Variants in ITGA6 observed in about 807,000 individuals in gnomAD.
The protein encoded by ITGA6 is integrin subunit alpha 6.
A neutral mutation model predicts 133.6 loss-of-function variants in ITGA6; 63 were observed. The observed-to-expected ratio is 0.47, with a 90% CI of 0.38 to 0.58. ITGA6 has a LOEUF of 0.58. Among genes scored for constraint, ITGA6 ranks in the 20% least tolerant of loss-of-function variants. The probability of loss-of-function intolerance (pLI) is 0.00; values close to 1 mark genes in which losing one functional copy is unlikely to be tolerated. For missense variants in ITGA6, 1,068 were observed against 1,309.4 expected (o/e 0.82, Z 2.85); for synonymous variants, 434 against 482.0 (o/e 0.90, Z 1.30).
In ITGA6 at chr2:172,489,510, C is replaced by G; in HGVS notation, c.2531C>G (p.Thr844Arg). The change falls in exon 20 of 26, where the codon ACA becomes AGA. Residue 844 changes from threonine to arginine, a missense_variant. Thr to Arg is a moderately conservative substitution (Grantham distance 71). Around this residue, in one of 3 missense-constraint regions of ITGA6, gnomAD observed 609 missense variants for 707.2 expected, o/e 0.86. Transcript: ENST00000684293. ...FRVINLGKPL[T>R]NLGTATLNIQ... is the part of the protein sequence containing the mutation. ...GTAATAAACTTAGGTAAACCTCTTA[C>G]AAACCTCGGCACAGCAACCTTGAAC... 1.9e-6 allele frequency: 3 copies of G among 1,613,708 alleles called. No individual in the cohort carries two copies. Among genetic ancestry groups the G allele is most frequent in the Non-Finnish European group, 2.5e-6 (3 of 1,179,628 alleles).
chr2:172,461,054 T>C (rs1023231565), intron 1 of ITGA6, among the ~76,000 whole-genome samples: 2 of 152,236 alleles, frequency 1.3e-5, no homozygotes, highest in African/African-American at 4.8e-5. Context: ...CTTGAATATA[T>C]GAAACGGATG....
rs1281457403 is a variant in ITGA6 at position 172,505,387 on chromosome 2, T to A, written c.*1319T>A. ...ACTGATCCAGTATAAGACTACTGAA[T>A]CTGCTACCAAAACAGTTAATCAGTG... On this transcript the variant is annotated 3_prime_UTR_variant, in exon 26 of 26. Transcript: ENST00000684293. 1 of 152,206 alleles carries A rather than the reference T, an allele frequency of 6.6e-6. No individual in the cohort carries two copies. Among genetic ancestry groups the A allele is most frequent in the Non-Finnish European group, 1.5e-5 (1 of 68,030 alleles). The allele number at this position is 152,206 out of a possible 1,614,324, so 9.4% of individuals were successfully genotyped here. A position where few individuals can be genotyped will look rare whatever the true frequency, so the allele number is the denominator to read the frequency against.
At position 172,505,161 on chromosome 2, in the gene ITGA6, A is replaced by C. The variant is rs1425374659; in HGVS notation, c.*1093A>C. 6.6e-6 allele frequency: 1 copy of C among 152,640 alleles called. No homozygotes were observed. The highest frequency in any genetic ancestry group is 1.5e-5 in the Non-Finnish European group (1 of 68,040). The allele number at this position is 152,640 out of a possible 1,614,324, so 9.5% of individuals were successfully genotyped here. A position where few individuals can be genotyped will look rare whatever the true frequency, so the allele number is the denominator to read the frequency against. On this transcript the variant is annotated 3_prime_UTR_variant, in exon 26 of 26. Transcript: ENST00000684293. ...AAAAGGTTTAAGAAATAGAATTATA[A>C]CTGTAAAGATGTTTATTTCAGGCAT... is the stretch of plus-strand genomic sequence containing the variant.
chr2:172,450,973 TTG>T (rs768360677), intron 1 of ITGA6, among the ~76,000 whole-genome samples: 1 of 147,622 alleles, frequency 6.8e-6, no homozygotes, highest in Non-Finnish European at 1.5e-5. Flanking sequence ...TAAATATATT[TTG>T]TGTGTGTGTA....
Position 172,493,566 on chromosome 2 carries a change from C to A in ITGA6, c.2988+2043C>A, listed in dbSNP as rs115897233. Among the ~76,000 whole-genome samples the A allele has an allele frequency of 8.0e-4, 122 of 152,184 alleles. 1 individual carries two copies. The highest frequency in any genetic ancestry group is 2.7e-3 in the African/African-American group (112 of 41,514). ...GAATGCCAAGGGTAAACATTGTACT[C>A]ATTTTACAAACAAGGAAGCAGACTC... On this transcript the variant is annotated intron_variant, in intron 23 of 25. Transcript: ENST00000684293.
rs374272135 is a variant in ITGA6 at position 172,427,945 on chromosome 2, C to G, written c.157C>G (p.Gln53Glu). The change falls in exon 1 of 26, where the codon CAA (glutamine) becomes GAA (glutamate). Residue 53 changes from glutamine (Q) to glutamate (E), a missense_variant. By Grantham distance (29) the Gln-to-Glu change is conservative (BLOSUM62 2). Coordinates refer to ENST00000684293, the MANE Select transcript of ITGA6 (RefSeq NM_000210.4). Reference protein sequence around the residue: ...LFGFSLAMHWQLQPEDKRLLL... With the variant: ...LFGFSLAMHWELQPEDKRLLL... ...CGGCTTCTCGCTGGCCATGCACTGG[C>G]AACTGCAGCCCGAGGACAAGCGGCT... is the stretch of plus-strand genomic sequence containing the variant. 5.6e-6 allele frequency: 9 copies of G among 1,606,192 alleles called. No homozygotes were observed. In the African/African-American group the frequency reaches 8.1e-5, roughly 14 times the overall value.
intron 9 of ITGA6, among the ~76,000 whole-genome samples, chr2:172,478,439 C>T (rs1353277186): frequency 6.6e-6 from 1 of 152,110 alleles, no homozygotes; most frequent in East Asian, 1.9e-4. Flanking sequence ...GTAATGAAAC[C>T]CCAGGCCCCA....
In ITGA6 at chr2:172,487,045, G is replaced by A. The variant is rs1686711436; in HGVS notation, c.1877G>A (p.Cys626Tyr). 6.2e-7 allele frequency: 1 copy of A among 1,609,228 alleles called. No individual in the cohort carries two copies. Among genetic ancestry groups the A allele is most frequent in the Non-Finnish European group, 8.5e-7 (1 of 1,175,552 alleles). The change falls in exon 14 of 26, where the codon TGT becomes TAT. Residue 626 changes from cysteine (C) to tyrosine (Y), a missense_variant. By Grantham distance (194) the Cys-to-Tyr change is radical. Transcript: ENST00000684293. ...HIDVHFLKEG[C>Y]GDDNVCNSNL... ...CAGGTTCACTTCTTAAAAGAGGGAT[G>A]TGGAGACGACAATGTATGTAACAGC...
chr2:172,499,320 C>A (rs7570417), intron 24 of ITGA6, among the ~76,000 whole-genome samples: 1 of 151,810 alleles, frequency 6.6e-6, no homozygotes, highest in Non-Finnish European at 1.5e-5. Context: ...CTGGCACACA[C>A]AGCCAGTCAA....
intron 10 of ITGA6, 91 bp from the exon 11 acceptor site, chr2:172,479,899 C>A: frequency 9.6e-7 from 1 of 1,044,456 alleles, no homozygotes; most frequent in Non-Finnish European, 1.5e-6. Flanking sequence ...CATCAATGGG[C>A]ATTGGGGGGA....
intron 1 of ITGA6, among the ~76,000 whole-genome samples, chr2:172,453,149 C>G (rs996974621): frequency 6.6e-6 from 1 of 152,100 alleles, no homozygotes; most frequent in African/African-American, 2.4e-5. Flanking sequence ...CACTTTTACT[C>G]AGAGATTTGC....
chr2:172,469,645 C>A (rs1288503201), intron 4 of ITGA6, among the ~76,000 whole-genome samples: 5 of 151,944 alleles, frequency 3.3e-5, no homozygotes, highest in Admixed American at 1.3e-4. Context: ...TAATAATTAA[C>A]ATTAGTATTT....
intron 1 of ITGA6, 121 bp from the exon 2 acceptor site, chr2:172,465,418 T>G: frequency 3.4e-6 from 4 of 1,162,074 alleles, no homozygotes; most frequent in Non-Finnish European, 5.1e-6. Flanking sequence ...CTGCCTAAGC[T>G]GTTGAAGAAT....
rs1687555600 is a variant in ITGA6, at chr2:172,506,197, A to G, written c.*2129A>G. On this transcript the variant is annotated 3_prime_UTR_variant, in exon 26 of 26. Coordinates refer to ENST00000684293, the MANE Select transcript of ITGA6 (RefSeq NM_000210.4). ...AAATAAATTTTTTATAAAAGTGTTC[A>G]TTGTTTCGTAACACAGCATTGTATA... 6.6e-6 allele frequency: 1 copy of G among 152,622 alleles called. No individual in the cohort carries two copies. The highest frequency in any genetic ancestry group is 1.5e-5 in the Non-Finnish European group (1 of 68,000). 9.5% of individuals were successfully genotyped at this position (152,622 alleles called of 1,614,324 possible).
intron 1 of ITGA6, among the ~76,000 whole-genome samples, chr2:172,445,510 A>G (rs979902062): frequency 3.3e-5 from 5 of 151,330 alleles, no homozygotes; most frequent in South Asian, 4.2e-4. Context: ...TTAGCCGGGC[A>G]TGGTGGTGGG....
At chr2:172,468,677 GTGTT>G (rs1317176931) in intron 3 of ITGA6, among the ~76,000 whole-genome samples, 2 of 152,120 alleles carry the variant, frequency 1.3e-5, no homozygotes, top group Admixed American at 6.5e-5. Context: ...TGTTTTAGCT[GTGTT>G]TGTTTGATCC....
rs1687194358 is a variant in ITGA6, at chr2:172,497,909, C to G, written c.2989-66C>G. ...ATATATTCAAAAGCAGAATTAGAAC[C>G]ATAAACTCCTGGTGTGAACTCTTGC... On this transcript the variant is annotated intron_variant, in intron 23 of 25. Coordinates refer to ENST00000684293, the MANE Select transcript of ITGA6 (RefSeq NM_000210.4). 1.1e-5 allele frequency: 17 copies of G among 1,583,428 alleles called. No individual in the cohort carries two copies. In the South Asian group the frequency reaches 1.4e-4, roughly 13 times the overall value.
At position 172,491,637 on chromosome 2, in the gene ITGA6, C is replaced by T. The variant is rs1176174297; in HGVS notation, c.2988+114C>T. ...GCTCATTTCCCTCATAGCCCCATTA[C>T]GGAGAAAACTGTCTTAAGGTACTGG... is the stretch of plus-strand genomic sequence containing the variant. On this transcript the variant is annotated intron_variant, in intron 23 of 25. Coordinates refer to ENST00000684293, the MANE Select transcript of ITGA6 (RefSeq NM_000210.4). This position sits in a 1 kb window ranked among gnomAD's most constrained non-coding sequence, Gnocchi z 4.4. The T allele has an allele frequency of 2.0e-5, 15 of 740,132 alleles. 1 individual carries two copies. Among genetic ancestry groups the T allele is most frequent in the South Asian group, 2.9e-5 (2 of 68,106 alleles). 45.8% of individuals were successfully genotyped at this position (740,132 alleles called of 1,614,324 possible). A position where few individuals can be genotyped will look rare whatever the true frequency, so the allele number is the denominator to read the frequency against.
chr2:172,498,863 T>C (rs2149098125), intron 24 of ITGA6, among the ~76,000 whole-genome samples: 1 of 152,324 alleles, frequency 6.6e-6, no homozygotes. Flanking sequence ...ATATAATGAC[T>C]TATTTGGCAA....
Sources: gnomAD v4.1 joint callset for allele counts (sites outside exome capture counted in the v4.1 genomes callset) on GRCh38, gnomAD v4.1.1 for gene constraint, gnomAD v4.1.1 regional missense constraint, Gnocchi (gnomAD v3.1) non-coding constraint, MANE v1.5 for transcripts, NCBI Gene and HGNC (gene_info 2026-07-23, HGNC 2026-07-21) for gene names.